Variants in GRIP1 observed in about 807,000 individuals in gnomAD.
GRIP1 encodes glutamate receptor-interacting protein 1.
In GRIP1, 45 loss-of-function variants were observed where a neutral mutation model predicts 129.9. The ratio of observed to expected loss-of-function variants is 0.35; its 90% CI spans 0.27 to 0.44. The LOEUF is 0.44. Ranked by LOEUF, GRIP1 falls within the 20% of genes least tolerant of loss-of-function variation. The pLI is 1.00. For missense variants in GRIP1, 1,196 were observed against 1,396.8 expected, an observed-to-expected ratio of 0.86 and a Z score of 2.29; for synonymous variants, 530 against 520.8, an observed-to-expected ratio of 1.02 and a Z score of -0.24.
chr12:67,068,758 T>C (rs928557159), intron 1 of GRIP1, among the ~76,000 whole-genome samples: 3 of 128,852 alleles, frequency 2.3e-5, no homozygotes, highest in African/African-American at 9.1e-5. Context: ...CTGCAGAAGC[T>C]GGAGTTTCCC....
chr12:66,940,693 T>C (rs568510424), intron 1 of GRIP1, among the ~76,000 whole-genome samples: 68 of 152,334 alleles, frequency 4.5e-4, no homozygotes, highest in African/African-American at 1.6e-3. Flanking sequence ...TCAGGGTCAT[T>C]ACAGACTATT....
At chr12:66,565,388 C>T (rs1260363865) in intron 2 of GRIP1, among the ~76,000 whole-genome samples, 9 of 152,154 alleles carry the variant, frequency 5.9e-5, no homozygotes, top group Admixed American at 2.6e-4. Context: ...GGAATCCTTT[C>T]CCCATTTCTT....
chr12:66,992,179 C>T (rs941434708), intron 1 of GRIP1, among the ~76,000 whole-genome samples: 5 of 152,166 alleles, frequency 3.3e-5, no homozygotes, highest in South Asian at 4.2e-4. Flanking sequence ...AATTTATGAA[C>T]GTCAAAATTT....
chr12:66,517,653 C>A (rs1164644784), intron 6 of GRIP1, among the ~76,000 whole-genome samples: 1 of 152,104 alleles, frequency 6.6e-6, no homozygotes, highest in East Asian at 1.9e-4. Context: ...TTATTACCTA[C>A]ATTTCCAATG....
At chr12:66,377,688 G>A (rs1399884648) in intron 20 of GRIP1, among the ~76,000 whole-genome samples, 6 of 137,186 alleles carry the variant, frequency 4.4e-5, no homozygotes, top group African/African-American at 1.4e-4. Context: ...CATCTCACAC[G>A]AAATATAGAA....
chr12:66,376,070 A>AGTT (rs1220131349), intron 22 of GRIP1, among the ~76,000 whole-genome samples: 2,623 of 152,322 alleles, frequency 0.017, 82 homozygotes, highest in African/African-American at 0.06. Flanking sequence ...AATCATTGCT[A>AGTT]ACATCTTACT....
At chr12:66,604,397 G>A (rs1029749027) in intron 1 of GRIP1, among the ~76,000 whole-genome samples, 19 of 152,080 alleles carry the variant, frequency 1.2e-4, no homozygotes, top group African/African-American at 4.6e-4. Context: ...TCCTAATATT[G>A]TTTCCAGCAA....
intron 1 of GRIP1, among the ~76,000 whole-genome samples, chr12:66,746,874 G>T (rs994023114): frequency 6.6e-6 from 1 of 152,172 alleles, no homozygotes; most frequent in Non-Finnish European, 1.5e-5. Context: ...AGCTGGGAAG[G>T]CTTCCAGGTA....
chr12:66,745,933 G>A (rs1241246533), intron 1 of GRIP1, among the ~76,000 whole-genome samples: 1 of 152,160 alleles, frequency 6.6e-6, no homozygotes, highest in Non-Finnish European at 1.5e-5. Context: ...GAGATGGGTG[G>A]TACTTTGGCT....
intron 1 of GRIP1, among the ~76,000 whole-genome samples, chr12:67,007,393 C>A (rs185565753): frequency 2.4e-4 from 37 of 152,228 alleles, no homozygotes; most frequent in African/African-American, 7.9e-4. Context: ...ATAGATACAA[C>A]CTGCCTTTCT....
chr12:66,918,036 A>G (rs1308414205), intron 1 of GRIP1, among the ~76,000 whole-genome samples: 2 of 152,054 alleles, frequency 1.3e-5, no homozygotes, highest in African/African-American at 4.8e-5. Context: ...TTGGCCCTCA[A>G]CTGAGTGGAT....
chr12:66,772,645 C>T (rs1240180073), intron 1 of GRIP1, among the ~76,000 whole-genome samples: 1 of 152,134 alleles, frequency 6.6e-6, no homozygotes, highest in African/African-American at 2.4e-5. Flanking sequence ...TAGAGGGGCA[C>T]CTGATTTTGG....
intron 16 of GRIP1, among the ~76,000 whole-genome samples, chr12:66,401,588 A>G: frequency 1.0e-5 from 1 of 97,704 alleles, no homozygotes; most frequent in Non-Finnish European, 2.0e-5. Context: ...TCAAAAAAAA[A>G]AATATGTGTG....
At chr12:66,774,671 A>T (rs1055261177) in intron 1 of GRIP1, among the ~76,000 whole-genome samples, 7 of 152,178 alleles carry the variant, frequency 4.6e-5, no homozygotes, top group African/African-American at 1.7e-4. Context: ...AAGAAATGCA[A>T]CCATAGGCTA....
chr12:66,491,459 T>C (rs2060101600), intron 7 of GRIP1, among the ~76,000 whole-genome samples: 1 of 152,100 alleles, frequency 6.6e-6, no homozygotes, highest in East Asian at 1.9e-4. Context: ...CTGGGGCCTG[T>C]CAGAGTGGTG....
intron 7 of GRIP1, among the ~76,000 whole-genome samples, chr12:66,479,135 T>G (rs1034014978): frequency 1.3e-5 from 2 of 150,692 alleles, no homozygotes; most frequent in South Asian, 4.2e-4. Context: ...CAGGAGCTGG[T>G]TTTTTGTAAA....
At chr12:66,707,504 A>T (rs1203706989) in intron 1 of GRIP1, among the ~76,000 whole-genome samples, 2 of 54,960 alleles carry the variant, frequency 3.6e-5, no homozygotes, top group Non-Finnish European at 8.8e-5. Flanking sequence ...ATCACTGACT[A>T]AAAAAAAAAA....
At chr12:66,467,518 A>C (rs1260737989) in intron 7 of GRIP1, among the ~76,000 whole-genome samples, 1 of 152,230 alleles carries the variant, frequency 6.6e-6, no homozygotes, top group South Asian at 2.1e-4. Context: ...TAGTTTGCAC[A>C]TCATGAGCCT....
intron 2 of GRIP1, among the ~76,000 whole-genome samples, chr12:66,581,432 C>CA (rs1341428881): frequency 6.7e-6 from 1 of 149,316 alleles, no homozygotes; most frequent in Non-Finnish European, 1.5e-5. Context: ...AATAGAGACA[C>CA]AAAAAACCCT....
Sources: allele counts gnomAD v4.1 joint callset (sites outside exome capture counted in the v4.1 genomes callset), GRCh38; gene constraint gnomAD v4.1.1; transcripts MANE v1.5; gene names NCBI Gene and HGNC (gene_info 2026-07-23, HGNC 2026-07-21).